The following CELSR1 variants were observed in gnomAD, a reference collection of about 807,000 sequenced individuals.
CELSR1 encodes the protein cadherin EGF LAG seven-pass G-type receptor 1, also known as adhesion G protein-coupled receptor C1.
Under a neutral mutation model 249.1 loss-of-function variants are expected in CELSR1, and 110 were observed. The observed-to-expected ratio is 0.44, with a 90% CI of 0.38 to 0.52. The LOEUF (loss-of-function observed/expected upper bound fraction) is 0.52, where lower values mean the gene tolerates loss of function less well. Ranked by LOEUF, CELSR1 falls within the 20% of genes least tolerant of loss-of-function variation. The probability of loss-of-function intolerance (pLI) is 0.00; values close to 1 mark genes in which losing one functional copy is unlikely to be tolerated. For missense variants in CELSR1, 4,109 were observed against 4,296.4 expected (o/e 0.96, Z 1.22); for synonymous variants, 2,113 against 1,900.0 (o/e 1.11, Z -2.92).
At chr22:46,365,132 T>A (rs2078753145) in intron 32 of CELSR1, 99 bp downstream of exon 32, 1 of 1,456,026 alleles carries the variant, frequency 6.9e-7, no homozygotes. Flanking sequence ...GCAGTGCTGC[T>A]GGGCATATCC....
Position 46,369,169 on chromosome 22 carries a change from C to T in CELSR1, c.7952+10G>A. ...GACATGGCTGGCCGGTCAGGTTCAG[C>T]CCCACTTACACGATCCCTTTTTTCC... On this transcript the variant is annotated intron_variant, in intron 27 of 34. Transcript: ENST00000674500. 1 of 1,613,682 alleles carries T rather than the reference C, an allele frequency of 6.2e-7. No individual in the cohort carries two copies. The highest frequency in any genetic ancestry group is 1.1e-5 in the South Asian group (1 of 91,082).
chr22:46,424,189 C>T (rs1470290259), intron 5 of CELSR1, among the ~76,000 whole-genome samples: 1 of 152,044 alleles, frequency 6.6e-6, no homozygotes, highest in Non-Finnish European at 1.5e-5. Flanking sequence ...ACCTCAGCCT[C>T]CCAAGCAGCT....
chr22:46,468,991 G>A lies in CELSR1; in HGVS notation c.3545-4646C>T, dbSNP rs1342529421. ...CTCGGAAGGCTGAGGCTTGAGAATC[G>A]CTTGAACCTGGGAGGCAGAGGTTGC... On this transcript the variant is annotated intron_variant, in intron 1 of 34. Coordinates refer to ENST00000674500, the MANE Select transcript of CELSR1 (RefSeq NM_001378328.1). The surrounding 1 kb of genome is among the most constrained non-coding windows in gnomAD (Gnocchi z 4.5). Among the ~76,000 whole-genome samples the A allele has an allele frequency of 1.3e-5, 2 of 152,096 alleles. No individual in the cohort carries two copies. Among genetic ancestry groups the A allele is most frequent in the African/African-American group, 4.8e-5 (2 of 41,416 alleles).
intron 32 of CELSR1, among the ~76,000 whole-genome samples, chr22:46,364,993 T>C (rs1340063913): frequency 1.3e-5 from 2 of 152,274 alleles, no homozygotes; most frequent in East Asian, 3.9e-4. Flanking sequence ...GACCTTGCGG[T>C]GACAGTCCAC....
At chr22:46,367,938 A>ACCTG (rs2078806024) in intron 27 of CELSR1, 83 bp from the exon 28 acceptor site, 18 of 1,491,808 alleles carry the variant, frequency 1.2e-5, no homozygotes, top group Non-Finnish European at 1.4e-5. Flanking sequence ...CCACCTGTCC[A>ACCTG]CCTGCCTGCC....
At chr22:46,439,459 G>A (rs564088382) in intron 2 of CELSR1, 48 bp from the exon 3 acceptor site, 2 of 1,524,210 alleles carry the variant, frequency 1.3e-6, no homozygotes, top group Non-Finnish European at 1.8e-6. Context: ...CGACCAGCCA[G>A]GGAAAAGCCA....
chr22:46,379,728 A>G (rs1007222412), intron 22 of CELSR1, among the ~76,000 whole-genome samples: 7 of 152,174 alleles, frequency 4.6e-5, no homozygotes, highest in Non-Finnish European at 1.0e-4. Context: ...ACGGCTCCTC[A>G]CTGTGCCCAG....
chr22:46,476,170 A>G (rs2080206021), intron 1 of CELSR1, among the ~76,000 whole-genome samples: 1 of 152,176 alleles, frequency 6.6e-6, no homozygotes, highest in Non-Finnish European at 1.5e-5. Flanking sequence ...ACATACATCC[A>G]CACAACTTGT....
At chr22:46,510,577 C>T (rs905360434) in intron 1 of CELSR1, among the ~76,000 whole-genome samples, 1 of 152,156 alleles carries the variant, frequency 6.6e-6, no homozygotes, top group East Asian at 1.9e-4. Context: ...GGACGAGAGC[C>T]GCCTTCATCT....
In CELSR1 at chr22:46,391,076, C is replaced by G; in HGVS notation, c.6250+110G>C. 1.2e-6 allele frequency: 1 copy of G among 861,170 alleles called. No individual in the cohort carries two copies. The highest frequency in any genetic ancestry group is 1.8e-6 in the Non-Finnish European group (1 of 554,682). 53.3% of individuals were successfully genotyped at this position (861,170 alleles called of 1,614,324 possible). A position where few individuals can be genotyped will look rare whatever the true frequency, so the allele number is the denominator to read the frequency against. On this transcript the variant is annotated intron_variant, in intron 16 of 34. Transcript: ENST00000674500. This position sits in a 1 kb window ranked among gnomAD's most constrained non-coding sequence, Gnocchi z 4.3. ...ATCGGATTTCTCCCCAGCACTTTGC[C>G]TGCGGATATTTTTTCAACACGAAAC...
chr22:46,475,766 T>C (rs1036631486), intron 1 of CELSR1, among the ~76,000 whole-genome samples: 2 of 152,198 alleles, frequency 1.3e-5, no homozygotes, highest in Non-Finnish European at 2.9e-5. Context: ...TAATCTTCGA[T>C]AACACTTATT....
Position 46,537,221 on chromosome 22 carries a change from G to T in CELSR1, c.-51C>A. ...GCGCCCGAACACAATCCATGCACCC[G>T]GCGCGCCTCCGCATCCACCCGGCGA... On this transcript the variant is annotated 5_prime_UTR_variant, in exon 1 of 35. Transcript: ENST00000674500. This position sits in a 1 kb window ranked among gnomAD's most constrained non-coding sequence, Gnocchi z 5.8. The T allele has an allele frequency of 2.0e-6, 2 of 1,016,668 alleles. No individual in the cohort carries two copies. The highest frequency in any genetic ancestry group is 4.5e-5 in the South Asian group (1 of 22,378). 63.0% of individuals were successfully genotyped at this position (1,016,668 alleles called of 1,614,324 possible).
At chr22:46,439,080 G>A in intron 3 of CELSR1, 109 bp downstream of exon 3, 3 of 1,080,962 alleles carry the variant, frequency 2.8e-6, no homozygotes, top group Non-Finnish European at 2.7e-6. Flanking sequence ...ACTATCAAAG[G>A]CCACACACGG....
intron 5 of CELSR1, among the ~76,000 whole-genome samples, chr22:46,431,190 C>T (rs2079591567): frequency 6.6e-6 from 1 of 152,222 alleles, no homozygotes; most frequent in Non-Finnish European, 1.5e-5. Flanking sequence ...CAGGTGGCGT[C>T]CTGCACGGGG....
At chr22:46,377,505 T>G in intron 23 of CELSR1, 1 of 541,738 alleles carries the variant, frequency 1.8e-6, no homozygotes, top group East Asian at 3.2e-5. Context: ...CTCCCTCCAC[T>G]GGCTTGGGGG....
chr22:46,454,632 C>T lies in CELSR1; in HGVS notation c.4183+9075G>A, dbSNP rs1177331811. 6.6e-6 allele frequency among the ~76,000 whole-genome samples: 1 copy of T among 152,264 alleles called. No individual in the cohort carries two copies. Among genetic ancestry groups the T allele is most frequent in the African/African-American group, 2.4e-5 (1 of 41,474 alleles). On this transcript the variant is annotated intron_variant, in intron 2 of 34. Coordinates refer to ENST00000674500, the MANE Select transcript of CELSR1 (RefSeq NM_001378328.1). The surrounding 1 kb of genome is among the most constrained non-coding windows in gnomAD (Gnocchi z 5.1). ...TGTTTGTTCCTCACTGACTCACATT[C>T]CACACCTAGTTCAGCTCGCCCACCT...
chr22:46,491,562 C>A (rs756850749), intron 1 of CELSR1, among the ~76,000 whole-genome samples: 1 of 151,222 alleles, frequency 6.6e-6, no homozygotes, highest in African/African-American at 2.4e-5. Flanking sequence ...CACGCCCAGC[C>A]GTGAGAAAGT....
intron 1 of CELSR1, among the ~76,000 whole-genome samples, chr22:46,530,130 T>G (rs2080776933): frequency 6.6e-6 from 1 of 151,674 alleles, no homozygotes; most frequent in Non-Finnish European, 1.5e-5. Context: ...AATAACATAG[T>G]GAGACCTTGT....
Position 46,536,942 on chromosome 22 carries a change from G to A in CELSR1, c.229C>T (p.Arg77Trp), listed in dbSNP as rs1464605475. ...VGRDGRLAGR[R>W]RVSGAGRPLP... ...GGGCGCCCCGCGCCCGAGACGCGCC[G>A]ACGTCCTGCCAGCCGCCCATCGCGG... Residue 77 changes from arginine (R) to tryptophan (W), a missense_variant, in exon 1 of 35, where the codon CGG (arginine) becomes TGG (tryptophan). Physicochemically the swap from Arg to Trp is moderately radical, Grantham distance 101. Coordinates refer to ENST00000674500, the MANE Select transcript of CELSR1 (RefSeq NM_001378328.1). 8.6e-7 allele frequency: 1 copy of A among 1,160,124 alleles called. No individual in the cohort carries two copies. The highest frequency in any genetic ancestry group is 1.1e-6 in the Non-Finnish European group (1 of 943,906). The allele number at this position is 1,160,124 out of a possible 1,614,324, so 71.9% of individuals were successfully genotyped here.
Sources: allele counts gnomAD v4.1 joint callset (sites outside exome capture counted in the v4.1 genomes callset), GRCh38; gene constraint gnomAD v4.1.1; non-coding constraint Gnocchi (gnomAD v3.1); transcripts MANE v1.5; gene names NCBI Gene and HGNC (gene_info 2026-07-23, HGNC 2026-07-21).